Variants in UBE2U observed in about 807,000 individuals in gnomAD.
The protein encoded by UBE2U is ubiquitin conjugating enzyme E2 U, also known as ubiquitin-conjugating enzyme E2 U.
UBE2U carries 39 observed loss-of-function variants against 41.2 expected under a neutral mutation model. The observed-to-expected ratio is 0.95, with a 90% CI of 0.73 to 1.24. UBE2U has a LOEUF of 1.24. Ranked by LOEUF, UBE2U falls within the 50% of genes most tolerant of loss-of-function variation. The pLI is 0.00. For synonymous variants in UBE2U, 107 were observed against 117.8 expected (o/e 0.91, Z 0.60); for missense variants, 336 against 363.1 (o/e 0.93, Z 0.61).
In UBE2U at chr1:64,204,017, T is replaced by C. The variant is rs377291502; in HGVS notation, c.-34T>C. The C allele has an allele frequency of 8.3e-5, 134 of 1,604,886 alleles. No homozygotes were observed. The African/African-American group carries it at 1.2e-3, about 15-fold the overall frequency. Reference sequence around the variant, plus strand: ...CTGCCTCAGAGTAAACCTGAGGCATTTGGGGACAAGTGTCAGACCCTCCGC... The same window carrying C: ...CTGCCTCAGAGTAAACCTGAGGCATCTGGGGACAAGTGTCAGACCCTCCGC... On this transcript the variant is annotated 5_prime_UTR_variant, in exon 1 of 10. Coordinates refer to ENST00000371077, the MANE Select transcript of UBE2U (RefSeq NM_001366232.2).
At chr1:64,247,097 T>C (rs1402489095) in intron 8 of UBE2U, among the ~76,000 whole-genome samples, 1 of 55,306 alleles carries the variant, frequency 1.8e-5, no homozygotes, top group Non-Finnish European at 5.6e-5. Flanking sequence ...AAGATAGTTA[T>C]GTCTTTCTCC....
rs1491587912 is a variant in UBE2U, at chr1:64,239,095, A to AGAGGAAGAG, written c.596-2555_596-2554insGGAAGAGGA. ...AAGAGGAAGAGGAAGAGGAAGAGGA[A>AGAGGAAGAG]GAAGAAGAAGAAGAAGAAGAAGAAG... is the stretch of plus-strand genomic sequence containing the variant. On this transcript the variant is annotated intron_variant, in intron 7 of 9. Coordinates refer to ENST00000371077, the MANE Select transcript of UBE2U (RefSeq NM_001366232.2). 4.8e-3 allele frequency among the ~76,000 whole-genome samples: 62 copies of AGAGGAAGAG among 12,978 alleles called. 1 individual carries two copies. Among genetic ancestry groups the AGAGGAAGAG allele is most frequent in the East Asian group, 0.037 (19 of 508 alleles). 8.5% of individuals were successfully genotyped at this position (12,978 alleles called of 152,430 possible). A position where few individuals can be genotyped will look rare whatever the true frequency, so the allele number is the denominator to read the frequency against.
intron 8 of UBE2U, among the ~76,000 whole-genome samples, chr1:64,249,938 A>G (rs1010580155): frequency 6.6e-6 from 1 of 152,126 alleles, no homozygotes; most frequent in African/African-American, 2.4e-5. Context: ...AAACAGAAAT[A>G]TAAAGAAGCC....
intron 4 of UBE2U, among the ~76,000 whole-genome samples, chr1:64,214,187 A>G (rs1004993382): frequency 1.3e-5 from 2 of 152,220 alleles, no homozygotes; most frequent in Non-Finnish European, 2.9e-5. Context: ...CACTTTCTGC[A>G]TTGATGGAAA....
chr1:64,255,615 A>G (rs1019881585), intron 8 of UBE2U, among the ~76,000 whole-genome samples: 9 of 152,176 alleles, frequency 5.9e-5, no homozygotes, highest in Non-Finnish European at 1.0e-4. Flanking sequence ...AGGTTGGCTC[A>G]ACATACACAA....
chr1:64,241,806 C>T, intron 8 of UBE2U, 73 bp downstream of exon 8: 1 of 1,159,130 alleles, frequency 8.6e-7, no homozygotes, highest in South Asian at 1.5e-5. Flanking sequence ...TACTATCCAA[C>T]TTGGAAATAA....
At chr1:64,207,810 G>T (rs1222533810) in intron 3 of UBE2U, among the ~76,000 whole-genome samples, 1 of 152,132 alleles carries the variant, frequency 6.6e-6, no homozygotes, top group Non-Finnish European at 1.5e-5. Context: ...ACATTAAACT[G>T]CAAAACCTGT....
intron 7 of UBE2U, among the ~76,000 whole-genome samples, chr1:64,241,259 C>A (rs1288962435): frequency 6.6e-6 from 1 of 152,108 alleles, no homozygotes; most frequent in African/African-American, 2.4e-5. Flanking sequence ...TTAAGATTGT[C>A]CTGCTTCCTT....
intron 6 of UBE2U, among the ~76,000 whole-genome samples, chr1:64,223,936 AT>A (rs1418967439): frequency 6.6e-6 from 1 of 152,194 alleles, no homozygotes; most frequent in East Asian, 1.9e-4. Context: ...GACAACCTAA[AT>A]AAAAAGTTAA....
intron 4 of UBE2U, among the ~76,000 whole-genome samples, chr1:64,214,037 T>C (rs1651823120): frequency 6.6e-6 from 1 of 152,226 alleles, no homozygotes; most frequent in African/African-American, 2.4e-5. Flanking sequence ...TGAAACATTG[T>C]TATGTGGCAC....
intron 7 of UBE2U, among the ~76,000 whole-genome samples, chr1:64,239,045 AAAGAAGAAGAAG>A (rs552575122): frequency 0.18 from 21,369 of 115,540 alleles, 2,828 homozygotes; most frequent in Non-Finnish European, 0.25. Context: ...CCCATCTCAA[AAAGAAGAAGAAG>A]AAGAAGAAGA....
chr1:64,222,091 CAA>C (rs10632119), intron 6 of UBE2U, among the ~76,000 whole-genome samples: 1 of 98,040 alleles, frequency 1.0e-5, no homozygotes, highest in Non-Finnish European at 2.0e-5. Flanking sequence ...GACTCCATCT[CAA>C]AAAAAAAAAA....
chr1:64,241,534 T>C (rs1276242269), intron 7 of UBE2U, 118 bp from the exon 8 acceptor site: 4 of 675,828 alleles, frequency 5.9e-6, no homozygotes, highest in African/African-American at 5.5e-5. Context: ...TTGAATTATA[T>C]AGTGCATGTT....
intron 8 of UBE2U, among the ~76,000 whole-genome samples, chr1:64,256,996 G>GA (rs1286159132): frequency 6.6e-6 from 1 of 151,526 alleles, no homozygotes; most frequent in Non-Finnish European, 1.5e-5. Flanking sequence ...CAAACATATG[G>GA]AAAAAAGCTC....
intron 8 of UBE2U, among the ~76,000 whole-genome samples, chr1:64,242,200 A>G (rs991184697): frequency 1.3e-5 from 2 of 152,214 alleles, no homozygotes; most frequent in African/African-American, 2.4e-5. Context: ...AGGATATAGT[A>G]AAATACAAAC....
intron 7 of UBE2U, among the ~76,000 whole-genome samples, chr1:64,235,747 GCAT>G (rs1170340944): frequency 6.6e-6 from 1 of 151,952 alleles, no homozygotes; most frequent in African/African-American, 2.4e-5. Context: ...ATAGTCGTTG[GCAT>G]CATCATAATA....
intron 9 of UBE2U, among the ~76,000 whole-genome samples, chr1:64,262,459 G>C (rs1446216469): frequency 6.6e-6 from 1 of 152,148 alleles, no homozygotes; most frequent in African/African-American, 2.4e-5. Flanking sequence ...GTTTGAATGG[G>C]GGAGGAATCT....
chr1:64,216,646 G>A (rs1321356714), intron 5 of UBE2U, among the ~76,000 whole-genome samples: 1 of 152,222 alleles, frequency 6.6e-6, no homozygotes, highest in Admixed American at 6.5e-5. Context: ...TTTACTCCGT[G>A]ATCAGTTGTC....
At chr1:64,233,250 G>A (rs1004679718) in intron 7 of UBE2U, among the ~76,000 whole-genome samples, 13 of 151,820 alleles carry the variant, frequency 8.6e-5, no homozygotes, top group South Asian at 2.1e-4. Flanking sequence ...CTCGTGATCC[G>A]CCTGCCTCAG....
Sources: allele counts gnomAD v4.1 joint callset (sites outside exome capture counted in the v4.1 genomes callset), GRCh38; gene constraint gnomAD v4.1.1; transcripts MANE v1.5; gene names NCBI Gene and HGNC (gene_info 2026-07-23, HGNC 2026-07-21).